DAPK1: variants seen among roughly 807,000 people sequenced by gnomAD.
The protein encoded by DAPK1 is death associated protein kinase 1, also known as death-associated protein kinase 1.
DAPK1 carries 56 observed loss-of-function variants against 144.9 expected under a neutral mutation model. The ratio of observed to expected loss-of-function variants is 0.39; its 90% confidence interval spans 0.31 to 0.48. DAPK1 has a LOEUF of 0.48. DAPK1 is among the 20% of genes least tolerant of loss of function. The pLI, the probability that DAPK1 is intolerant of heterozygous loss-of-function variation, is 0.95. For synonymous variants in DAPK1, 690 were observed against 749.0 expected, an observed-to-expected ratio of 0.92 and a Z score of 1.29; for missense variants, 1,454 against 1,875.4, an observed-to-expected ratio of 0.78 and a Z score of 4.15.
intron 20 of DAPK1, among the ~76,000 whole-genome samples, chr9:87,682,166 C>T (rs778559315): frequency 3.3e-5 from 5 of 152,164 alleles, no homozygotes; most frequent in Non-Finnish European, 7.3e-5. Context: ...TAGAGGTTTC[C>T]AGAGGCTCCT....
intron 1 of DAPK1, 142 bp downstream of exon 1, chr9:87,498,249 G>C (rs1824254409): frequency 2.5e-6 from 1 of 395,474 alleles, no homozygotes; most frequent in Non-Finnish European, 4.5e-6. Flanking sequence ...TGGCTTCGGG[G>C]AGAAGTGCGA....
At chr9:87,648,726 T>A (rs1410079919) in intron 14 of DAPK1, 55 bp from the exon 15 acceptor site, 1 of 1,505,034 alleles carries the variant, frequency 6.6e-7, no homozygotes, top group Non-Finnish European at 9.3e-7. Flanking sequence ...GGTTCTGGTC[T>A]CCATAGCCTG....
chr9:87,658,272 C>A (rs1830702478), intron 18 of DAPK1, 145 bp downstream of exon 18: 1 of 598,172 alleles, frequency 1.7e-6, no homozygotes. Context: ...ACTGCGGTAA[C>A]ATAGACATTC....
intron 3 of DAPK1, among the ~76,000 whole-genome samples, chr9:87,621,755 C>A (rs1829301412): frequency 6.6e-6 from 1 of 152,110 alleles, no homozygotes; most frequent in Admixed American, 6.5e-5. Context: ...CTAATAGTTT[C>A]TCATCTGAAT....
intron 2 of DAPK1, among the ~76,000 whole-genome samples, chr9:87,579,655 C>T (rs1350185131): frequency 1.3e-5 from 2 of 152,170 alleles, no homozygotes; most frequent in African/African-American, 4.8e-5. Flanking sequence ...AAATCTTCTA[C>T]TCTGGCCACA....
chr9:87,586,895 C>T (rs758379454), intron 2 of DAPK1, among the ~76,000 whole-genome samples: 1 of 152,110 alleles, frequency 6.6e-6, no homozygotes, highest in Non-Finnish European at 1.5e-5. Flanking sequence ...AGTGATTGAG[C>T]CAATAAATTA....
rs370887788 is a variant in DAPK1 at position 87,499,048 on chromosome 9, C to T, written c.-30C>T. ...GTCTGGGAAGCGGAGCTGAAGTGCC[C>T]TGGGCTTTGGTGAGGCGTGACAGTT... On this transcript the variant is annotated 5_prime_UTR_variant, in exon 2 of 26. Coordinates refer to ENST00000408954, the MANE Select transcript of DAPK1 (RefSeq NM_004938.4). 3 of 1,611,550 alleles carry T rather than the reference C, an allele frequency of 1.9e-6. No homozygotes were observed. The highest frequency in any genetic ancestry group is 8.5e-7 in the Non-Finnish European group (1 of 1,177,926).
chr9:87,509,192 T>G lies in DAPK1; in HGVS notation c.62+10053T>G, dbSNP rs527599561. On this transcript the variant is annotated intron_variant, in intron 2 of 25. Coordinates refer to ENST00000408954, the MANE Select transcript of DAPK1 (RefSeq NM_004938.4). ...TATACGTATCCTGTAGAGAACAGAC[T>G]TTTAATGGGTGCTGCTCATGTTGGA... is the stretch of plus-strand genomic sequence containing the variant. 5.9e-5 allele frequency among the ~76,000 whole-genome samples: 9 copies of G among 152,344 alleles called. No homozygotes were observed. In the South Asian group the frequency reaches 6.2e-4, roughly 11 times the overall value.
At chr9:87,674,595 A>AT (rs1322305102) in intron 19 of DAPK1, among the ~76,000 whole-genome samples, 1 of 151,732 alleles carries the variant, frequency 6.6e-6, no homozygotes, top group East Asian at 1.9e-4. Context: ...GGCCAGGAAT[A>AT]TTTTGAAAAA....
In DAPK1 at chr9:87,679,327, A is replaced by T. The variant is rs375247289; in HGVS notation, c.2002-2077A>T. 7.2e-5 allele frequency among the ~76,000 whole-genome samples: 11 copies of T among 152,060 alleles called. No homozygotes were observed. The East Asian group carries it at 1.9e-3, about 27-fold the overall frequency. ...AGACAGGTTTTGTGGGTTTGTGGGA[A>T]CCCACAAAGCAGGTTAAAGCAGAGG... On this transcript the variant is annotated intron_variant, in intron 19 of 25. Transcript: ENST00000408954.
chr9:87,571,436 A>ACC (rs1827326508), intron 2 of DAPK1, among the ~76,000 whole-genome samples: 2 of 13,018 alleles, frequency 1.5e-4, no homozygotes, highest in African/African-American at 3.2e-4. Context: ...CCCACCCCCC[A>ACC]ACACACACAC....
At chr9:87,696,885 A>G (rs1825278001) in intron 21 of DAPK1, 122 bp from the exon 22 acceptor site, 1 of 733,338 alleles carries the variant, frequency 1.4e-6, no homozygotes, top group South Asian at 1.6e-5. Context: ...ATGTATACAC[A>G]TACAGAAGAA....
In DAPK1 at chr9:87,708,555, TTTAC is replaced by T. The variant is rs1353992116; in HGVS notation, c.*1195_*1198del. The T allele has an allele frequency of 1.3e-5, 2 of 152,614 alleles. No homozygotes were observed. Among genetic ancestry groups the T allele is most frequent in the African/African-American group, 2.4e-5 (1 of 41,464 alleles). The allele number at this position is 152,614 out of a possible 1,614,324, so 9.5% of individuals were successfully genotyped here. ...ATACATATATATTAATACTGGTATT[TTTAC>T]TTAATCTATAAAATGTCGTTAAAAA... On this transcript the variant is annotated 3_prime_UTR_variant, in exon 26 of 26. Transcript: ENST00000408954.
intron 19 of DAPK1, among the ~76,000 whole-genome samples, chr9:87,674,514 CAAAAA>C (rs35817698): frequency 2.8e-4 from 19 of 67,622 alleles, no homozygotes; most frequent in African/African-American, 8.9e-4. Context: ...GACTCTGTCT[CAAAAA>C]AAAAAAAAAA....
At chr9:87,569,043 C>CGT (rs1827237693) in intron 2 of DAPK1, among the ~76,000 whole-genome samples, 1 of 139,382 alleles carries the variant, frequency 7.2e-6, no homozygotes, top group African/African-American at 2.6e-5. Flanking sequence ...CTCCAGGTCA[C>CGT]GTGTGTTTTT....
Position 87,589,969 on chromosome 9 carries a change from T to C in DAPK1, c.63-14985T>C, listed in dbSNP as rs141914613. Among the ~76,000 whole-genome samples, 883 of 152,352 alleles carry C rather than the reference T, an allele frequency of 5.8e-3. 6 individuals are homozygous for C. The highest frequency in any genetic ancestry group is 0.02 in the African/African-American group (831 of 41,584). ...GACATCAAAACACTTTTAAAATCTA[T>C]ATCCGTTTCCATTCTACTTTTCTTA... is the stretch of plus-strand genomic sequence containing the variant. On this transcript the variant is annotated intron_variant, in intron 2 of 25. Transcript: ENST00000408954.
At chr9:87,637,002 C>T (rs1181219899) in intron 3 of DAPK1, among the ~76,000 whole-genome samples, 1 of 152,116 alleles carries the variant, frequency 6.6e-6, no homozygotes, top group African/African-American at 2.4e-5. Context: ...GAGGTTCTGA[C>T]CACTCCCCTC....
chr9:87,683,228 G>A (rs532923898), intron 20 of DAPK1, among the ~76,000 whole-genome samples: 2 of 152,068 alleles, frequency 1.3e-5, no homozygotes, highest in South Asian at 2.1e-4. Context: ...GACTACAGGT[G>A]CATGCCACCA....
intron 2 of DAPK1, among the ~76,000 whole-genome samples, chr9:87,536,186 C>T (rs1825856285): frequency 6.6e-6 from 1 of 152,188 alleles, no homozygotes; most frequent in East Asian, 1.9e-4. Context: ...AAGCTACAGC[C>T]TCTGGGTTAA....
Sources: gnomAD v4.1 joint callset for allele counts (sites outside exome capture counted in the v4.1 genomes callset) on GRCh38, gnomAD v4.1.1 for gene constraint, MANE v1.5 for transcripts, NCBI Gene and HGNC (gene_info 2026-07-23, HGNC 2026-07-21) for gene names.